The following RASGRF1 variants were observed in gnomAD, a reference collection of about 807,000 sequenced individuals.
The protein encoded by RASGRF1 is ras-specific guanine nucleotide-releasing factor 1.
In RASGRF1, 40 loss-of-function variants were observed where a neutral mutation model predicts 138.7. That is an observed-to-expected ratio of 0.29 (90% CI 0.22 to 0.38). The LOEUF (loss-of-function observed/expected upper bound fraction) is 0.38. Among genes scored for constraint, RASGRF1 ranks in the 10% least tolerant of loss-of-function variants. The pLI, the probability that RASGRF1 is intolerant of heterozygous loss-of-function variation, is 1.00. For synonymous variants in RASGRF1, 614 were observed against 663.2 expected (o/e 0.93, Z 1.14); for missense variants, 1,108 against 1,650.4 (o/e 0.67, Z 5.69).
chr15:78,991,232 T>C (rs999815504), intron 21 of RASGRF1, among the ~76,000 whole-genome samples: 3 of 152,170 alleles, frequency 2.0e-5, no homozygotes, highest in African/African-American at 7.2e-5. Flanking sequence ...ATTACATAAG[T>C]AGAATAATTG....
intron 14 of RASGRF1, chr15:79,005,474 C>T (rs970558778): frequency 1.0e-5 from 10 of 985,222 alleles, no homozygotes; most frequent in Admixed American, 1.2e-4. Flanking sequence ...GGTGGCCTCT[C>T]GGAAAAGATA....
intron 1 of RASGRF1, among the ~76,000 whole-genome samples, chr15:79,067,983 C>T (rs368007295): frequency 1.6e-4 from 25 of 152,254 alleles, no homozygotes; most frequent in African/African-American, 6.0e-4. Flanking sequence ...GTCAGATTTC[C>T]AAACCTATGT....
chr15:79,037,968 T>C (rs955844345), intron 5 of RASGRF1, among the ~76,000 whole-genome samples: 2 of 152,062 alleles, frequency 1.3e-5, no homozygotes, highest in African/African-American at 2.4e-5. Context: ...TGATAGGGTT[T>C]GTGCTCCTTT....
At chr15:79,048,129 C>G (rs1296906729) in intron 4 of RASGRF1, among the ~76,000 whole-genome samples, 1 of 152,184 alleles carries the variant, frequency 6.6e-6, no homozygotes, top group Non-Finnish European at 1.5e-5. Context: ...AGCTGGGAAG[C>G]TCACTGGGGC....
intron 3 of RASGRF1, among the ~76,000 whole-genome samples, chr15:79,055,958 C>T (rs1198559667): frequency 6.6e-6 from 1 of 152,132 alleles, no homozygotes; most frequent in African/African-American, 2.4e-5. Context: ...TTATGGAGTT[C>T]CTGCCAGGCC....
chr15:78,980,575 G>T (rs374659199), intron 24 of RASGRF1, 45 bp downstream of exon 24: 8 of 1,496,468 alleles, frequency 5.3e-6, no homozygotes, highest in Admixed American at 3.4e-5. Context: ...TGCAATGCAG[G>T]TCTATGATTT....
rs554233445 is a variant in RASGRF1 at position 78,970,904 on chromosome 15, T to C, written c.3681+962A>G. ...TTAAAAATGCAAACTAGTCCAATTA[T>C]ATAACCTCCTTTCAGGGCTTCCTAT... On this transcript the variant is annotated intron_variant, in intron 26 of 26. Coordinates refer to ENST00000558480, the MANE Select transcript of RASGRF1 (RefSeq NM_001145648.3). 4.5e-4 allele frequency among the ~76,000 whole-genome samples: 67 copies of C among 149,790 alleles called. 1 individual carries two copies. In the East Asian group the frequency reaches 0.01, roughly 23 times the overall value.
At chr15:79,086,137 G>A (rs2057976399) in intron 1 of RASGRF1, among the ~76,000 whole-genome samples, 1 of 152,168 alleles carries the variant, frequency 6.6e-6, no homozygotes, top group Non-Finnish European at 1.5e-5. Context: ...TAGTCTTGCT[G>A]GTTTCCTATA....
At chr15:79,007,750 A>G (rs1567507743) in intron 13 of RASGRF1, among the ~76,000 whole-genome samples, 1 of 150,714 alleles carries the variant, frequency 6.6e-6, no homozygotes, top group Non-Finnish European at 1.5e-5. Flanking sequence ...ACACGGTTTC[A>G]CCATGTTGCC....
At chr15:78,983,219 C>T (rs1038598610) in intron 23 of RASGRF1, among the ~76,000 whole-genome samples, 12 of 152,234 alleles carry the variant, frequency 7.9e-5, no homozygotes, top group African/African-American at 2.7e-4. Flanking sequence ...TGTGCAGACA[C>T]ACAACTCTTA....
chr15:79,041,779 C>A (rs940884938), intron 5 of RASGRF1, among the ~76,000 whole-genome samples: 1 of 152,170 alleles, frequency 6.6e-6, no homozygotes, highest in African/African-American at 2.4e-5. Context: ...GCCCCCACAC[C>A]CTGCCTGTTG....
intron 20 of RASGRF1, 32 bp from the exon 21 acceptor site, chr15:78,991,826 G>A: frequency 6.4e-7 from 1 of 1,569,520 alleles, no homozygotes; most frequent in Non-Finnish European, 8.8e-7. Flanking sequence ...AACATTTTGA[G>A]TTAGGCCCAT....
intron 9 of RASGRF1, among the ~76,000 whole-genome samples, chr15:79,025,705 A>G (rs1441364565): frequency 6.6e-6 from 1 of 152,160 alleles, no homozygotes. Flanking sequence ...CATCCCAGCC[A>G]GGGGCTAGGG....
At chr15:79,087,868 A>G (rs1486189339) in intron 1 of RASGRF1, among the ~76,000 whole-genome samples, 2 of 152,246 alleles carry the variant, frequency 1.3e-5, no homozygotes, top group Non-Finnish European at 2.9e-5. Flanking sequence ...ATGAGTCTTT[A>G]ACAGAAATTT....
intron 13 of RASGRF1, among the ~76,000 whole-genome samples, chr15:79,013,625 A>G (rs2056833081): frequency 6.6e-6 from 1 of 152,268 alleles, no homozygotes; most frequent in Admixed American, 6.5e-5. Flanking sequence ...ATGGGAGCAG[A>G]GTCCTAGCGT....
chr15:78,979,535 C>T (rs980196020), intron 24 of RASGRF1, among the ~76,000 whole-genome samples: 2 of 152,126 alleles, frequency 1.3e-5, no homozygotes, highest in African/African-American at 2.4e-5. Context: ...GCCAGTCAGG[C>T]GAGGAGAGGA....
At chr15:79,001,501 C>CGGGTGGTGGT (rs1443882734) in intron 16 of RASGRF1, among the ~76,000 whole-genome samples, 161 bp downstream of exon 16, 2 of 116,582 alleles carry the variant, frequency 1.7e-5, no homozygotes, top group African/African-American at 6.4e-5. Flanking sequence ...TGGCGGGGGG[C>CGGGTGGTGGT]GGGTGGTGGT....
At chr15:79,028,097 T>C (rs2057086080) in intron 8 of RASGRF1, among the ~76,000 whole-genome samples, 1 of 152,168 alleles carries the variant, frequency 6.6e-6, no homozygotes, top group Non-Finnish European at 1.5e-5. Flanking sequence ...CAAGTGTTCT[T>C]ATTTCAGAAA....
intron 5 of RASGRF1, among the ~76,000 whole-genome samples, chr15:79,045,108 G>A (rs556170881): frequency 6.6e-6 from 1 of 152,242 alleles, no homozygotes; most frequent in East Asian, 1.9e-4. Context: ...CCTCAAATAA[G>A]GAGTCATGGT....
Sources: gnomAD v4.1 joint callset for allele counts (sites outside exome capture counted in the v4.1 genomes callset) on GRCh38, gnomAD v4.1.1 for gene constraint, MANE v1.5 for transcripts, NCBI Gene and HGNC (gene_info 2026-07-23, HGNC 2026-07-21) for gene names.